Variants in DCAF5 observed in about 807,000 individuals in gnomAD.
DCAF5 encodes DDB1 and CUL4 associated factor 5, also known as DDB1- and CUL4-associated factor 5.
DCAF5 carries 9 observed loss-of-function variants against 80.7 expected under a neutral mutation model. The ratio of observed to expected loss-of-function variants is 0.11; its 90% CI spans 0.07 to 0.19. The LOEUF (loss-of-function observed/expected upper bound fraction) is 0.19, where lower values mean the gene tolerates loss of function less well. Ranked by LOEUF, DCAF5 falls within the 10% of genes least tolerant of loss-of-function variation. The pLI is 1.00. For synonymous variants in DCAF5, 433 were observed against 461.9 expected, an observed-to-expected ratio of 0.94 and a Z score of 0.80; for missense variants, 842 against 1,205.7, an observed-to-expected ratio of 0.70 and a Z score of 4.47.
chr14:69,095,650 G>C (rs1368512482), intron 5 of DCAF5, among the ~76,000 whole-genome samples: 3 of 152,286 alleles, frequency 2.0e-5, no homozygotes, highest in African/African-American at 7.2e-5. Flanking sequence ...TAAAGCCTGG[G>C]AACACAAGAG....
At chr14:69,113,132 G>A (rs1188785008) in intron 5 of DCAF5, among the ~76,000 whole-genome samples, 1 of 152,032 alleles carries the variant, frequency 6.6e-6, no homozygotes, top group Non-Finnish European at 1.5e-5. Flanking sequence ...GAGGTATAGT[G>A]TAGGCTTGGG....
chr14:69,085,574 C>T (rs2039284828), intron 6 of DCAF5, among the ~76,000 whole-genome samples: 1 of 152,156 alleles, frequency 6.6e-6, no homozygotes, highest in African/African-American at 2.4e-5. Context: ...GGATATAAAA[C>T]AGGCTTTAAT....
intron 7 of DCAF5, among the ~76,000 whole-genome samples, chr14:69,064,627 C>T (rs1383341706): frequency 6.6e-6 from 1 of 152,168 alleles, no homozygotes; most frequent in Non-Finnish European, 1.5e-5. Context: ...ATCTTTCAGG[C>T]AGTTATTAGA....
At chr14:69,077,365 C>CTTATTTAT (rs71953676) in intron 6 of DCAF5, among the ~76,000 whole-genome samples, 47,546 of 143,646 alleles carry the variant, frequency 0.33, 9,194 homozygotes, top group Middle Eastern at 0.44. Flanking sequence ...CGACATGTAG[C>CTTATTTAT]TTATTTATTT....
chr14:69,076,131 T>C (rs2038888948), intron 6 of DCAF5, among the ~76,000 whole-genome samples: 1 of 149,536 alleles, frequency 6.7e-6, no homozygotes, highest in South Asian at 2.1e-4. Flanking sequence ...AAAAAAAAAA[T>C]TGACAAGTAT....
intron 5 of DCAF5, among the ~76,000 whole-genome samples, chr14:69,109,187 A>G (rs2040265754): frequency 6.6e-6 from 1 of 151,954 alleles, no homozygotes; most frequent in Non-Finnish European, 1.5e-5. Flanking sequence ...TAAACATACA[A>G]AAAGAAATTA....
At chr14:69,086,327 C>T (rs142624300) in intron 6 of DCAF5, among the ~76,000 whole-genome samples, 3 of 152,100 alleles carry the variant, frequency 2.0e-5, no homozygotes, top group East Asian at 3.9e-4. Flanking sequence ...CACTGCACTC[C>T]GGCCTGGGTG....
At chr14:69,113,056 G>A (rs946065394) in intron 5 of DCAF5, among the ~76,000 whole-genome samples, 1 of 151,880 alleles carries the variant, frequency 6.6e-6, no homozygotes, top group African/African-American at 2.4e-5. Flanking sequence ...CCTCTAATCA[G>A]CTTATTTCAG....
intron 7 of DCAF5, among the ~76,000 whole-genome samples, chr14:69,074,409 G>A (rs971120423): frequency 3.9e-5 from 6 of 152,072 alleles, no homozygotes; most frequent in Non-Finnish European, 7.4e-5. Flanking sequence ...AAAAGAAAAG[G>A]GGGGGGAAAC....
chr14:69,072,769 A>G (rs891510630), intron 7 of DCAF5, among the ~76,000 whole-genome samples: 13 of 152,208 alleles, frequency 8.5e-5, no homozygotes, highest in Admixed American at 7.9e-4. Flanking sequence ...ATACAGAGCA[A>G]GATGATGATC....
intron 5 of DCAF5, among the ~76,000 whole-genome samples, chr14:69,092,303 T>G (rs928267029): frequency 1.3e-5 from 2 of 152,154 alleles, no homozygotes; most frequent in Non-Finnish European, 2.9e-5. Context: ...TCCTTCATAT[T>G]AGAGATACAA....
intron 5 of DCAF5, among the ~76,000 whole-genome samples, chr14:69,114,840 A>G (rs1004627195): frequency 2.6e-5 from 4 of 152,200 alleles, no homozygotes; most frequent in Non-Finnish European, 5.9e-5. Context: ...ATGCACGGTA[A>G]GAAACTGGTG....
At chr14:69,148,102 C>CAAAAAA (rs71446373) in intron 1 of DCAF5, among the ~76,000 whole-genome samples, 1 of 91,636 alleles carries the variant, frequency 1.1e-5, no homozygotes, top group Non-Finnish European at 2.4e-5. Context: ...ATTTTCTTCG[C>CAAAAAA]AAAAAAAAAA....
chr14:69,054,273 G>C lies in DCAF5; in HGVS notation c.2413C>G (p.Leu805Val), dbSNP rs1311592147. 3 of 1,614,264 alleles carry C rather than the reference G, an allele frequency of 1.9e-6. No homozygotes were observed. The Admixed American group carries it at 5.0e-5, about 27-fold the overall frequency. Residue 805 changes from leucine to valine, a missense_variant, in exon 9 of 9, where the codon CTC (leucine) becomes GTC (valine). Leu to Val is a conservative substitution (Grantham distance 32, BLOSUM62 1). Coordinates refer to ENST00000341516, the MANE Select transcript of DCAF5 (RefSeq NM_003861.3). ...PPVPKASGST[L>V]NSGSGNCPRT... ...GGACAGTTGCCAGACCCGCTGTTGA[G>C]AGTGGAGCCAGATGCCTTGGGGACA...
intron 8 of DCAF5, among the ~76,000 whole-genome samples, chr14:69,061,783 G>A (rs1387174865): frequency 1.3e-5 from 2 of 152,130 alleles, no homozygotes; most frequent in African/African-American, 4.8e-5. Context: ...AAGGCCAAAG[G>A]CTTTTGAAAA....
rs35270301 is a variant in DCAF5, at chr14:69,105,944, T to TATATATATATATATATATATA, written c.665+10421_665+10422insTATATATATATATATATATAT. ...ATATATATATATATATATATATATA[T>TATATATATATATATATATATA]ATCTCCTATTGGTTCTGTTCCTCTG... On this transcript the variant is annotated intron_variant, in intron 5 of 8. Transcript: ENST00000341516. Among the ~76,000 whole-genome samples, 601 of 85,142 alleles carry TATATATATATATATATATATA rather than the reference T, an allele frequency of 7.1e-3. 100 individuals carry two copies. The highest frequency in any genetic ancestry group is 0.012 in the Non-Finnish European group (400 of 32,506). 55.9% of individuals were successfully genotyped at this position (85,142 alleles called of 152,430 possible).
At chr14:69,124,644 C>T (rs1362992545) in intron 1 of DCAF5, among the ~76,000 whole-genome samples, 1 of 152,128 alleles carries the variant, frequency 6.6e-6, no homozygotes, top group African/African-American at 2.4e-5. Flanking sequence ...TTATGTATTT[C>T]TTACAAATTT....
chr14:69,063,715 G>T (rs776416643), intron 7 of DCAF5, among the ~76,000 whole-genome samples: 6 of 152,166 alleles, frequency 3.9e-5, no homozygotes, highest in Non-Finnish European at 8.8e-5. Flanking sequence ...GGCTCTAGGG[G>T]TATCTTCTGC....
chr14:69,129,285 G>T (rs995642514), intron 1 of DCAF5, among the ~76,000 whole-genome samples: 6 of 152,142 alleles, frequency 3.9e-5, no homozygotes, highest in African/African-American at 1.4e-4. Context: ...AGCATCAGAA[G>T]ATGTAAGCTA....
Sources: gnomAD v4.1 joint callset for allele counts (sites outside exome capture counted in the v4.1 genomes callset) on GRCh38, gnomAD v4.1.1 for gene constraint, MANE v1.5 for transcripts, NCBI Gene and HGNC (gene_info 2026-07-23, HGNC 2026-07-21) for gene names.